Variants in DUSP19 observed in about 807,000 individuals in gnomAD.
DUSP19 encodes dual specificity phosphatase 19.
DUSP19 carries 14 observed loss-of-function variants against 16.6 expected under a neutral mutation model. The ratio of observed to expected loss-of-function variants is 0.84; its 90% confidence interval spans 0.56 to 1.32. The LOEUF is 1.32. DUSP19 is among the 40% of genes most tolerant of loss of function. DUSP19 has a pLI of 0.00. For synonymous variants in DUSP19, 81 were observed against 90.5 expected, an observed-to-expected ratio of 0.90 and a Z score of 0.59; for missense variants, 258 against 255.9, an observed-to-expected ratio of 1.01 and a Z score of -0.06.
rs1412655865 is a variant in DUSP19 at position 183,099,439 on chromosome 2, A to G, written c.*3781A>G. The G allele has an allele frequency of 1.3e-5, 2 of 152,190 alleles. No homozygotes were observed. Among genetic ancestry groups the G allele is most frequent in the East Asian group, 1.9e-4 (1 of 5,204 alleles). 9.4% of individuals were successfully genotyped at this position (152,190 alleles called of 1,614,324 possible). A position where few individuals can be genotyped will look rare whatever the true frequency, so the allele number is the denominator to read the frequency against. On this transcript the variant is annotated 3_prime_UTR_variant, in exon 4 of 4. Coordinates refer to ENST00000354221, the MANE Select transcript of DUSP19 (RefSeq NM_080876.4). ...GACTTTGAAGTTGTATATTCTTGCA[A>G]TGCATAAAATGACATTATAATCAAC... is the stretch of plus-strand genomic sequence containing the variant.
At chr2:183,088,859 C>T (rs952768137) in intron 3 of DUSP19, among the ~76,000 whole-genome samples, 1 of 152,142 alleles carries the variant, frequency 6.6e-6, no homozygotes, top group East Asian at 1.9e-4. Flanking sequence ...TCTGTATTGG[C>T]TCCTTCTCTA....
intron 3 of DUSP19, among the ~76,000 whole-genome samples, chr2:183,091,472 A>G (rs1021636734): frequency 2.0e-5 from 3 of 152,184 alleles, no homozygotes; most frequent in African/African-American, 7.2e-5. Flanking sequence ...CCAAATACCC[A>G]CTAGAAGTTT....
At chr2:183,094,316 A>G (rs1227054509) in intron 3 of DUSP19, among the ~76,000 whole-genome samples, 1 of 152,178 alleles carries the variant, frequency 6.6e-6, no homozygotes, top group Non-Finnish European at 1.5e-5. Context: ...ATGAGTCATA[A>G]CAATAGTATT....
chr2:183,090,533 G>A (rs575349642), intron 3 of DUSP19, among the ~76,000 whole-genome samples: 1 of 152,200 alleles, frequency 6.6e-6, no homozygotes, highest in South Asian at 2.1e-4. Context: ...TTAAAAACAT[G>A]ACGTAAGTAG....
chr2:183,090,414 A>C (rs1314075629), intron 3 of DUSP19, among the ~76,000 whole-genome samples: 2 of 152,230 alleles, frequency 1.3e-5, no homozygotes, highest in East Asian at 1.9e-4. Context: ...TAGCCCAAAG[A>C]GTCCTTTTAG....
rs371564465 is a variant in DUSP19 at position 183,079,096 on chromosome 2, G to T, written c.163G>T (p.Gly55Cys). The change falls in exon 1 of 4, where the codon GGT becomes TGT. Residue 55 changes from glycine to cysteine, a missense_variant. Gly to Cys is a radical substitution (Grantham distance 159). Coordinates refer to ENST00000354221, the MANE Select transcript of DUSP19 (RefSeq NM_080876.4). Reference protein sequence around the residue: ...EVEPSSGGGCGYVQDLSSDLQ... With the variant: ...EVEPSSGGGCCYVQDLSSDLQ... ...AGAGCCGAGCAGTGGGGGTGGTTGT[G>T]GTTATGTGCAGGACCTTAGCTCGGA... is the stretch of plus-strand genomic sequence containing the variant. 4 of 1,614,080 alleles carry T rather than the reference G, an allele frequency of 2.5e-6. No individual in the cohort carries two copies. Among genetic ancestry groups the T allele is most frequent in the Non-Finnish European group, 3.4e-6 (4 of 1,180,010 alleles).
Position 183,079,111 on chromosome 2 carries a change from C to T in DUSP19, c.178C>T (p.Leu60Phe), listed in dbSNP as rs1458971470. 6.2e-7 allele frequency: 1 copy of T among 1,613,942 alleles called. No individual in the cohort carries two copies. The highest frequency in any genetic ancestry group is 8.5e-7 in the Non-Finnish European group (1 of 1,179,964). ...GGGTGGTTGTGGTTATGTGCAGGAC[C>T]TTAGCTCGGACCTGCAAGTTGGCGT... ...SGGGCGYVQD[L>F]SSDLQVGVIK... Residue 60 changes from leucine (L) to phenylalanine (F), a missense_variant, in exon 1 of 4, where the codon CTT becomes TTT. By Grantham distance (22) the Leu-to-Phe change is conservative (BLOSUM62 0). Coordinates refer to ENST00000354221, the MANE Select transcript of DUSP19 (RefSeq NM_080876.4).
In DUSP19 at chr2:183,099,381, T is replaced by TA. The variant is rs1490416655; in HGVS notation, c.*3724dup. On this transcript the variant is annotated 3_prime_UTR_variant, in exon 4 of 4. Transcript: ENST00000354221. The stretch of plus-strand genomic sequence containing the variant: ...CTGAAGGATCCTGAACATATTTAGT[T>TA]ACCCTGTAGTTATTTAGGAATTTAA... 1 of 152,232 alleles carries TA rather than the reference T, an allele frequency of 6.6e-6. No individual in the cohort carries two copies. Among genetic ancestry groups the TA allele is most frequent in the Non-Finnish European group, 1.5e-5 (1 of 68,042 alleles). The allele number at this position is 152,232 out of a possible 1,614,324, so 9.4% of individuals were successfully genotyped here.
intron 3 of DUSP19, among the ~76,000 whole-genome samples, chr2:183,094,582 G>A (rs1035654304): frequency 2.6e-5 from 4 of 152,094 alleles, no homozygotes; most frequent in Non-Finnish European, 2.9e-5. Context: ...GCCCCCATCA[G>A]CATTGGTCTT....
chr2:183,081,843 A>G (rs1699595515), intron 1 of DUSP19, among the ~76,000 whole-genome samples: 1 of 152,178 alleles, frequency 6.6e-6, no homozygotes, highest in African/African-American at 2.4e-5. Flanking sequence ...TCAGCCACCT[A>G]AAATCACATA....
At chr2:183,086,642 CT>C (rs1399087272) in intron 2 of DUSP19, among the ~76,000 whole-genome samples, 8 of 138,838 alleles carry the variant, frequency 5.8e-5, no homozygotes, top group African/African-American at 2.0e-4. Flanking sequence ...ACCCGCCCCC[CT>C]CTTCTCTGAA....
chr2:183,088,187 A>G (rs995907701), intron 3 of DUSP19, among the ~76,000 whole-genome samples: 2 of 152,140 alleles, frequency 1.3e-5, no homozygotes, highest in African/African-American at 2.4e-5. Context: ...GTTGCCTACA[A>G]GTCAGTACAG....
At chr2:183,086,418 A>G (rs534394189) in intron 2 of DUSP19, among the ~76,000 whole-genome samples, 75 of 152,148 alleles carry the variant, frequency 4.9e-4, no homozygotes, top group South Asian at 3.3e-3. Context: ...ACACTAAGTT[A>G]AACATGGTCC....
chr2:183,093,355 C>G (rs1413604452), intron 3 of DUSP19, among the ~76,000 whole-genome samples: 1 of 152,128 alleles, frequency 6.6e-6, no homozygotes, highest in Admixed American at 6.5e-5. Flanking sequence ...GCACTAAATA[C>G]TAGGCATACA....
rs1056952397 is a variant in DUSP19, at chr2:183,095,447, T to A, written c.443T>A (p.Val148Asp). 1 of 1,611,142 alleles carries A rather than the reference T, an allele frequency of 6.2e-7. No individual in the cohort carries two copies. The highest frequency in any genetic ancestry group is 1.3e-5 in the African/African-American group (1 of 74,696). The part of the protein sequence containing the change: ...EAKRKDGVVL[V>D]HCNAGVSRAA... ...TTTTTGTAGGATGGAGTGGTTCTTG[T>A]TCATTGTAATGCAGGCGTTTCCAGG... Residue 148 changes from valine to aspartate, a missense_variant, in exon 4 of 4, where the codon GTT becomes GAT. By Grantham distance (152) the Val-to-Asp change is radical (BLOSUM62 -3). Transcript: ENST00000354221.
At chr2:183,084,698 G>T (rs1385624628) in intron 2 of DUSP19, among the ~76,000 whole-genome samples, 1 of 152,144 alleles carries the variant, frequency 6.6e-6, no homozygotes, top group East Asian at 1.9e-4. Context: ...ATGTAACAAG[G>T]TCAAATTTGC....
At chr2:183,095,383 C>G in intron 3 of DUSP19, 48 bp from the exon 4 acceptor site, 1 of 1,496,490 alleles carries the variant, frequency 6.7e-7, no homozygotes, top group Non-Finnish European at 9.1e-7. Context: ...ATATAATAAC[C>G]TTTCTCAAAT....
chr2:183,093,149 A>G (rs1376541030), intron 3 of DUSP19, among the ~76,000 whole-genome samples: 3 of 152,224 alleles, frequency 2.0e-5, no homozygotes, highest in African/African-American at 4.8e-5. Context: ...GTTGAAAACT[A>G]TAATAGCACA....
At position 183,087,210 on chromosome 2, in the gene DUSP19, C is replaced by T. The variant is rs1355707182; in HGVS notation, c.426+18C>T. The T allele has an allele frequency of 6.2e-7, 1 of 1,606,158 alleles. No homozygotes were observed. The highest frequency in any genetic ancestry group is 1.7e-5 in the Admixed American group (1 of 58,958). On this transcript the variant is annotated intron_variant, in intron 3 of 3. Transcript: ENST00000354221. ...AAAGAAAAGTGAGTTTTGTTTTGAT[C>T]CATAGTTCTGCAGAAGCAGAAATTT...
Sources: allele counts gnomAD v4.1 joint callset (sites outside exome capture counted in the v4.1 genomes callset), GRCh38; gene constraint gnomAD v4.1.1; transcripts MANE v1.5; gene names NCBI Gene and HGNC (gene_info 2026-07-23, HGNC 2026-07-21).